The following STPG2 variants were observed in gnomAD, a reference collection of about 807,000 sequenced individuals.
STPG2 encodes sperm-tail PG-rich repeat-containing protein 2.
A neutral mutation model predicts 54.2 loss-of-function variants in STPG2; 56 were observed. The observed-to-expected ratio is 1.03, with a 90% CI of 0.83 to 1.29. The LOEUF (loss-of-function observed/expected upper bound fraction) is 1.29, where lower values mean the gene tolerates loss of function less well. Ranked by LOEUF, STPG2 falls within the 50% of genes most tolerant of loss-of-function variation. The pLI is 0.00. For missense variants in STPG2, 596 were observed against 544.9 expected, an observed-to-expected ratio of 1.09 and a Z score of -0.93; for synonymous variants, 200 against 181.8, an observed-to-expected ratio of 1.10 and a Z score of -0.81.
At chr4:97,784,509 C>A (rs896475459) in intron 9 of STPG2, among the ~76,000 whole-genome samples, 3 of 151,244 alleles carry the variant, frequency 2.0e-5, no homozygotes, top group Non-Finnish European at 4.4e-5. Flanking sequence ...AGATACAGTG[C>A]CAAAAAAACT....
downstream of STPG2, among the ~76,000 whole-genome samples, chr4:97,558,073 T>C (rs1037548866): frequency 2.0e-5 from 3 of 152,188 alleles, no homozygotes; most frequent in African/African-American, 7.2e-5. Flanking sequence ...TCTTTCAGAG[T>C]GGCTGCATAT....
At chr4:97,456,819 C>T (rs567831667) in intron 4 of STPG2, among the ~76,000 whole-genome samples, 1 of 145,418 alleles carries the variant, frequency 6.9e-6, no homozygotes, top group East Asian at 2.0e-4. Flanking sequence ...TGGCGTGAAT[C>T]CAGGAGTTGG....
At chr4:98,135,085 T>C (rs1027212725) in intron 1 of STPG2, among the ~76,000 whole-genome samples, 3 of 151,754 alleles carry the variant, frequency 2.0e-5, no homozygotes, top group African/African-American at 7.2e-5. Flanking sequence ...AAGATCTGTA[T>C]TGGAAAAATT....
At chr4:98,052,576 A>G (rs541375646) in intron 5 of STPG2, among the ~76,000 whole-genome samples, 3 of 152,348 alleles carry the variant, frequency 2.0e-5, no homozygotes, top group South Asian at 2.1e-4. Flanking sequence ...TTAAAGTTCA[A>G]TAATACATTC....
chr4:97,482,977 A>G (rs141033637), intron 4 of STPG2, among the ~76,000 whole-genome samples: 1 of 151,834 alleles, frequency 6.6e-6, no homozygotes, highest in African/African-American at 2.4e-5. Flanking sequence ...ATATGAAGAA[A>G]AGATACAGTC....
chr4:98,018,726 G>C (rs1050410163), intron 5 of STPG2, among the ~76,000 whole-genome samples: 8 of 151,550 alleles, frequency 5.3e-5, no homozygotes, highest in Non-Finnish European at 7.4e-5. Flanking sequence ...GGTGTGAGAT[G>C]GTATCTCATT....
intron 9 of STPG2, among the ~76,000 whole-genome samples, chr4:97,808,904 G>T (rs948629998): frequency 1.3e-5 from 2 of 151,880 alleles, no homozygotes; most frequent in African/African-American, 2.4e-5. Flanking sequence ...AACTTCCTTT[G>T]CCAGGAAGTT....
chr4:97,676,004 C>CTA (rs924263380), intron 10 of STPG2, among the ~76,000 whole-genome samples: 1 of 143,284 alleles, frequency 7.0e-6, no homozygotes, highest in Admixed American at 7.2e-5. Flanking sequence ...CATATATATA[C>CTA]TATATATATT....
rs1005064097 is a variant in STPG2, at chr4:97,872,128, A to G, written c.1045-31196T>C. On this transcript the variant is annotated intron_variant, in intron 8 of 10. Coordinates refer to ENST00000295268, the MANE Select transcript of STPG2 (RefSeq NM_174952.3). ...AACAAAAGCATTCAATAAAATGAGA[A>G]TAATAAAATACTTTATTGATAAAAA... is the stretch of plus-strand genomic sequence containing the variant. Among the ~76,000 whole-genome samples the G allele has an allele frequency of 2.6e-5, 4 of 151,160 alleles. No homozygotes were observed. The Admixed American group carries it at 2.6e-4, about 10-fold the overall frequency.
At chr4:97,889,456 G>GTA (rs1730688639) in intron 8 of STPG2, among the ~76,000 whole-genome samples, 1 of 152,096 alleles carries the variant, frequency 6.6e-6, no homozygotes, top group Non-Finnish European at 1.5e-5. Flanking sequence ...AGAAAGTGCG[G>GTA]TATATATACA....
intron 5 of STPG2, among the ~76,000 whole-genome samples, chr4:98,021,919 C>T (rs1008241496): frequency 6.6e-6 from 1 of 151,862 alleles, no homozygotes; most frequent in Non-Finnish European, 1.5e-5. Flanking sequence ...GTCTCTGCAC[C>T]TGAGATGGGT....
At chr4:97,816,744 CT>C (rs1216969195) in intron 9 of STPG2, among the ~76,000 whole-genome samples, 1 of 115,840 alleles carries the variant, frequency 8.6e-6, no homozygotes, top group Non-Finnish European at 1.7e-5. Flanking sequence ...CTTTCTCTAC[CT>C]TTCTTTCTTT....
At chr4:97,619,033 T>C (rs535896306) in intron 10 of STPG2, among the ~76,000 whole-genome samples, 2 of 152,330 alleles carry the variant, frequency 1.3e-5, no homozygotes, top group South Asian at 4.1e-4. Flanking sequence ...GAGTTATTTG[T>C]TCTTGTTTTC....
At chr4:97,627,753 A>G (rs1477258510) in intron 10 of STPG2, among the ~76,000 whole-genome samples, 1 of 152,192 alleles carries the variant, frequency 6.6e-6, no homozygotes, top group Non-Finnish European at 1.5e-5. Context: ...ATAGTAAATG[A>G]TTCGTTATAA....
chr4:97,909,719 A>C (rs1731605883), intron 8 of STPG2, among the ~76,000 whole-genome samples: 1 of 152,206 alleles, frequency 6.6e-6, no homozygotes, highest in South Asian at 2.1e-4. Flanking sequence ...AATAGATTTG[A>C]AAAAATGCTT....
At chr4:98,000,470 A>AT (rs5860516) in intron 5 of STPG2, among the ~76,000 whole-genome samples, 54,485 of 151,878 alleles carry the variant, frequency 0.36, 10,136 homozygotes, top group African/African-American at 0.45. Context: ...AAGTGATCTA[A>AT]CCTCATGATT....
intron 9 of STPG2, among the ~76,000 whole-genome samples, chr4:97,768,176 A>AC (rs1407499799): frequency 2.0e-5 from 3 of 152,200 alleles, no homozygotes; most frequent in Non-Finnish European, 1.5e-5. Context: ...CAAAAAAAAA[A>AC]AAAACATAAG....
chr4:97,936,823 T>A (rs1464900476), intron 8 of STPG2, among the ~76,000 whole-genome samples: 3 of 152,178 alleles, frequency 2.0e-5, no homozygotes, highest in African/African-American at 7.2e-5. Context: ...TTGTTTTTCA[T>A]TTCAACCTTA....
intron 9 of STPG2, among the ~76,000 whole-genome samples, chr4:97,811,635 A>T (rs1727745292): frequency 6.6e-6 from 1 of 151,348 alleles, no homozygotes; most frequent in African/African-American, 2.5e-5. Flanking sequence ...ACACTTCTAA[A>T]AAGCTGAATT....
Sources: allele counts gnomAD v4.1 joint callset (sites outside exome capture counted in the v4.1 genomes callset), GRCh38; gene constraint gnomAD v4.1.1; transcripts MANE v1.5; gene names NCBI Gene and HGNC (gene_info 2026-07-23, HGNC 2026-07-21).